Variants in OSBPL6 observed in about 807,000 individuals in gnomAD.
OSBPL6 encodes oxysterol-binding protein-related protein 6.
In OSBPL6, 49 loss-of-function variants were observed where a neutral mutation model predicts 125.8. The ratio of observed to expected loss-of-function variants is 0.39; its 90% CI spans 0.31 to 0.49. The LOEUF (loss-of-function observed/expected upper bound fraction) is 0.49, where lower values mean the gene tolerates loss of function less well. Ranked by LOEUF, OSBPL6 falls within the 20% of genes least tolerant of loss-of-function variation. The pLI, the probability that OSBPL6 is intolerant of heterozygous loss-of-function variation, is 0.88. For synonymous variants in OSBPL6, 394 were observed against 391.8 expected, an observed-to-expected ratio of 1.01 and a Z score of -0.07; for missense variants, 986 against 1,135.4, an observed-to-expected ratio of 0.87 and a Z score of 1.89.
chr2:178,380,609 T>C (rs79699633), intron 15 of OSBPL6, among the ~76,000 whole-genome samples: 1,784 of 152,216 alleles, frequency 0.012, 24 homozygotes, highest in African/African-American at 0.035. Context: ...ATCCAGTCTT[T>C]CAGGAGAGCA....
intron 1 of OSBPL6, among the ~76,000 whole-genome samples, chr2:178,259,742 CT>C (rs1291515167): frequency 6.6e-6 from 1 of 152,176 alleles, no homozygotes; most frequent in Admixed American, 6.5e-5. Flanking sequence ...TTATAACTGC[CT>C]CTGGCTTCTT....
At chr2:178,203,988 G>C (rs577071519) in intron 1 of OSBPL6, among the ~76,000 whole-genome samples, 9 of 150,610 alleles carry the variant, frequency 6.0e-5, no homozygotes, top group African/African-American at 2.2e-4. Context: ...TTATACCTAT[G>C]AGCATGACTT....
intron 11 of OSBPL6, 77 bp downstream of exon 11, chr2:178,339,841 C>T (rs9646740): frequency 0.16 from 163,779 of 1,013,486 alleles, 14,571 homozygotes; most frequent in Admixed American, 0.25. Flanking sequence ...AGTTTATGGG[C>T]GTTAGATTGA....
At chr2:178,227,184 T>C (rs2090600345) in intron 1 of OSBPL6, among the ~76,000 whole-genome samples, 1 of 152,206 alleles carries the variant, frequency 6.6e-6, no homozygotes, top group Non-Finnish European at 1.5e-5. Context: ...AGGAAATACA[T>C]ATGGCTAAGT....
At chr2:178,322,752 T>C (rs1164821065) in intron 3 of OSBPL6, among the ~76,000 whole-genome samples, 1 of 152,166 alleles carries the variant, frequency 6.6e-6, no homozygotes, top group Admixed American at 6.5e-5. Context: ...CTTCTTTTCC[T>C]ATGGAAAATT....
At chr2:178,343,094 T>C (rs1209035151) in intron 11 of OSBPL6, among the ~76,000 whole-genome samples, 1 of 152,178 alleles carries the variant, frequency 6.6e-6, no homozygotes, top group Non-Finnish European at 1.5e-5. Context: ...TGGAACTTTT[T>C]TGAAGATTTA....
chr2:178,332,931 C>A lies in OSBPL6; in HGVS notation c.547C>A (p.Arg183Ser). Residue 183 changes from arginine (R) to serine (S), a missense_variant, in exon 8 of 25, where the codon CGT becomes AGT. This residue lies in a region of OSBPL6 where 843 missense variants were observed against 997.3 expected (regional missense o/e 0.85). Transcript: ENST00000190611. ...VSKLRHHRLY[R>S]QNEIVRSPRD... Reference sequence around the variant, plus strand: ...CAAACTGCGACATCATCGGTTGTATCGTCAGAATGAAATTGTGAGATCACC... The same window carrying A: ...CAAACTGCGACATCATCGGTTGTATAGTCAGAATGAAATTGTGAGATCACC... 2 of 1,614,092 alleles carry A rather than the reference C, an allele frequency of 1.2e-6. No individual in the cohort carries two copies. Among genetic ancestry groups the A allele is most frequent in the Non-Finnish European group, 1.7e-6 (2 of 1,179,960 alleles).
intron 1 of OSBPL6, among the ~76,000 whole-genome samples, chr2:178,274,315 T>A (rs1347135050): frequency 6.6e-6 from 1 of 152,080 alleles, no homozygotes; most frequent in Non-Finnish European, 1.5e-5. Context: ...CAATTTTTTT[T>A]TTTTTTTGCT....
chr2:178,282,491 A>G (rs796860036), intron 1 of OSBPL6, among the ~76,000 whole-genome samples: 2 of 152,210 alleles, frequency 1.3e-5, no homozygotes, highest in African/African-American at 2.4e-5. Flanking sequence ...ACTAGGACAG[A>G]GGAACGGGGG....
At chr2:178,273,269 T>C (rs1015211440) in intron 1 of OSBPL6, among the ~76,000 whole-genome samples, 2 of 152,200 alleles carry the variant, frequency 1.3e-5, no homozygotes, top group African/African-American at 4.8e-5. Flanking sequence ...CTTTATTCTG[T>C]CTTTCTCTAA....
intron 18 of OSBPL6, 81 bp downstream of exon 18, chr2:178,384,257 C>T: frequency 6.6e-7 from 1 of 1,518,988 alleles, no homozygotes; most frequent in African/African-American, 1.4e-5. Context: ...CGATAACAAT[C>T]TGTTGGGATG....
rs941906149 is a variant in OSBPL6, at chr2:178,342,976, AT to A, written c.987+3221del. Among the ~76,000 whole-genome samples the A allele has an allele frequency of 4.0e-5, 6 of 151,830 alleles. No individual in the cohort carries two copies. The Middle Eastern group carries it at 0.01, about 258-fold the overall frequency. On this transcript the variant is annotated intron_variant, in intron 11 of 24. Transcript: ENST00000190611. ...TAAGTAGAAAGGATTTTGTCTAGAAATTTTTTTTTGTGGAAAACAGATTATG... is the reference window on the plus strand; with the variant it reads ...TAAGTAGAAAGGATTTTGTCTAGAAATTTTTTTTGTGGAAAACAGATTATG...
chr2:178,234,852 A>G (rs1450638976), intron 1 of OSBPL6, among the ~76,000 whole-genome samples: 1 of 152,198 alleles, frequency 6.6e-6, no homozygotes, highest in Non-Finnish European at 1.5e-5. Context: ...GATTCAAGGA[A>G]TGGAGTCTGG....
chr2:178,383,204 A>G lies in OSBPL6; in HGVS notation c.1802A>G (p.His601Arg). The G allele has an allele frequency of 6.2e-7, 1 of 1,614,162 alleles. No individual in the cohort carries two copies. The highest frequency in any genetic ancestry group is 8.5e-7 in the Non-Finnish European group (1 of 1,180,026). The change falls in exon 17 of 25, where the codon CAC (histidine) becomes CGC (arginine). Residue 601 changes from histidine to arginine, a missense_variant. Physicochemically the swap from His to Arg is conservative, Grantham distance 29 (BLOSUM62 0). Coordinates refer to ENST00000190611, the MANE Select transcript of OSBPL6 (RefSeq NM_032523.4). ...AACGAGCCGCTCAACACCCTGCAGC[A>G]CCTCTGTGAGGAAATGGAATACAGC... ...ELNEPLNTLQ[H>R]LCEEMEYSEL... is the part of the protein sequence containing the mutation.
At chr2:178,198,581 C>A (rs1229971448) in intron 1 of OSBPL6, among the ~76,000 whole-genome samples, 3 of 151,218 alleles carry the variant, frequency 2.0e-5, no homozygotes, top group African/African-American at 7.3e-5. Flanking sequence ...GATTGCACCA[C>A]TGCACTACAG....
chr2:178,307,143 C>T lies in OSBPL6; in HGVS notation c.102+857C>T, dbSNP rs113248307. Among the ~76,000 whole-genome samples, 414 of 152,248 alleles carry T rather than the reference C, an allele frequency of 2.7e-3. 4 individuals are homozygous for T. Among genetic ancestry groups the T allele is most frequent in the African/African-American group, 9.5e-3 (393 of 41,532 alleles). On this transcript the variant is annotated intron_variant, in intron 3 of 24. Transcript: ENST00000190611. ...TCATGCAGGTTCTCCTTCACCCCCT[C>T]CACCCCTCACCCCCTGTTTTATGTT...
At chr2:178,301,665 A>G (rs930346610) in intron 2 of OSBPL6, among the ~76,000 whole-genome samples, 1 of 152,186 alleles carries the variant, frequency 6.6e-6, no homozygotes, top group African/African-American at 2.4e-5. Flanking sequence ...GGAGAACTAT[A>G]GTTTCATGCA....
chr2:178,354,264 A>G (rs1334502111), intron 12 of OSBPL6, among the ~76,000 whole-genome samples: 2 of 152,258 alleles, frequency 1.3e-5, no homozygotes, highest in Non-Finnish European at 2.9e-5. Context: ...AATGGGCTAA[A>G]TGCCCCAATT....
chr2:178,205,662 C>G lies in OSBPL6; in HGVS notation c.-351+10988C>G, dbSNP rs527254607. 4.6e-5 allele frequency among the ~76,000 whole-genome samples: 7 copies of G among 152,272 alleles called. 1 individual carries two copies. In the East Asian group the frequency reaches 1.4e-3, roughly 29 times the overall value. On this transcript the variant is annotated intron_variant, in intron 1 of 24. Coordinates refer to ENST00000190611, the MANE Select transcript of OSBPL6 (RefSeq NM_032523.4). The stretch of plus-strand genomic sequence containing the variant: ...GTGCAGAGGACAAAAAATCAAGCAG[C>G]ACAGCAGGAGATATTTCCCGTATAT...
Sources: gnomAD v4.1 joint callset for allele counts (sites outside exome capture counted in the v4.1 genomes callset) on GRCh38, gnomAD v4.1.1 for gene constraint, gnomAD v4.1.1 regional missense constraint, MANE v1.5 for transcripts, NCBI Gene and HGNC (gene_info 2026-07-23, HGNC 2026-07-21) for gene names.